The following AGAP1 variants were observed in gnomAD, a reference collection of about 807,000 sequenced individuals.
AGAP1 encodes the protein arf-GAP with GTPase, ANK repeat and PH domain-containing protein 1.
A neutral mutation model predicts 105.3 loss-of-function variants in AGAP1; 29 were observed. The observed-to-expected ratio is 0.28, with a 90% CI of 0.21 to 0.38. The LOEUF (loss-of-function observed/expected upper bound fraction) is 0.38. Among genes scored for constraint, AGAP1 ranks in the 10% least tolerant of loss-of-function variants. The probability of loss-of-function intolerance (pLI) is 1.00; values close to 1 mark genes in which losing one functional copy is unlikely to be tolerated. For synonymous variants in AGAP1, 509 were observed against 485.9 expected (o/e 1.05, Z -0.63); for missense variants, 998 against 1,165.1 (o/e 0.86, Z 2.09).
At position 235,625,677 on chromosome 2, in the gene AGAP1, G is replaced by A. The variant is rs1946615122; in HGVS notation, c.164-83502G>A. ...GTGCAACTTTTCTAAATACAGAGTT[G>A]GTTGTGACATATTCAGCTGGGGGAA... On this transcript the variant is annotated intron_variant, in intron 1 of 17. Transcript: ENST00000304032. This position sits in a 1 kb window ranked among gnomAD's most constrained non-coding sequence, Gnocchi z 4.0. Among the ~76,000 whole-genome samples the A allele has an allele frequency of 6.6e-6, 1 of 152,188 alleles. No homozygotes were observed. Among genetic ancestry groups the A allele is most frequent in the Non-Finnish European group, 1.5e-5 (1 of 68,036 alleles).
chr2:235,895,132 G>A (rs562243871), intron 10 of AGAP1, among the ~76,000 whole-genome samples: 7 of 152,346 alleles, frequency 4.6e-5, no homozygotes, highest in African/African-American at 1.7e-4. Flanking sequence ...TTCAGCTAGC[G>A]CAGTGGCCTG....
intron 13 of AGAP1, among the ~76,000 whole-genome samples, chr2:236,022,914 CTG>C (rs1297270380): frequency 6.6e-6 from 1 of 152,182 alleles, no homozygotes; most frequent in Non-Finnish European, 1.5e-5. Context: ...CTTTCTAATA[CTG>C]TGTTTTGGCT....
chr2:235,642,321 C>T lies in AGAP1; in HGVS notation c.164-66858C>T, dbSNP rs1947225426. On this transcript the variant is annotated intron_variant, in intron 1 of 17. Coordinates refer to ENST00000304032, the MANE Select transcript of AGAP1 (RefSeq NM_001037131.3). This position sits in a 1 kb window ranked among gnomAD's most constrained non-coding sequence, Gnocchi z 4.1. ...GAAACTTGAGGTGAGGGGCCCTCTG[C>T]ACTCAACCTCCTGGGACCTGGGGCT... Among the ~76,000 whole-genome samples, 1 of 152,240 alleles carries T rather than the reference C, an allele frequency of 6.6e-6. No homozygotes were observed. The highest frequency in any genetic ancestry group is 2.1e-4 in the South Asian group (1 of 4,830).
intron 1 of AGAP1, among the ~76,000 whole-genome samples, chr2:235,640,827 T>A (rs1247145500): frequency 4.6e-5 from 7 of 152,182 alleles, no homozygotes; most frequent in Non-Finnish European, 7.3e-5. Context: ...TTCTTTCCAC[T>A]TGAAGAAGTG....
Position 235,612,721 on chromosome 2 carries a change from CG to C in AGAP1, c.164-96456del, listed in dbSNP as rs1159035692. 6.6e-6 allele frequency among the ~76,000 whole-genome samples: 1 copy of C among 150,952 alleles called. No individual in the cohort carries two copies. Among genetic ancestry groups the C allele is most frequent in the Non-Finnish European group, 1.5e-5 (1 of 67,708 alleles). On this transcript the variant is annotated intron_variant, in intron 1 of 17. Transcript: ENST00000304032. The surrounding 1 kb of genome is among the most constrained non-coding windows in gnomAD (Gnocchi z 4.3). ...CAGTGGTCCTTTTGCATGGGGTGGC[CG>C]GCCAGGTGTGCTGAGTGCCACCTGG...
Position 235,991,964 on chromosome 2 carries a change from G to T in AGAP1, c.1645+23341G>T, listed in dbSNP as rs117798787. Among the ~76,000 whole-genome samples the T allele has an allele frequency of 5.4e-4, 82 of 152,316 alleles. 1 individual carries two copies. The East Asian group carries it at 0.015, about 29-fold the overall frequency. On this transcript the variant is annotated intron_variant, in intron 13 of 17. Coordinates refer to ENST00000304032, the MANE Select transcript of AGAP1 (RefSeq NM_001037131.3). ...AAAAACGCTTAGAATCTTGCTGTCC[G>T]TAAAACTGAAACATCCAGCCTCACA...
intron 16 of AGAP1, among the ~76,000 whole-genome samples, chr2:236,074,493 A>G (rs2058586274): frequency 6.6e-6 from 1 of 152,206 alleles, no homozygotes; most frequent in South Asian, 2.1e-4. Flanking sequence ...AAGCTCAGCA[A>G]TTTCAAGTTC....
rs2059866603 is a variant in AGAP1 at position 236,120,184 on chromosome 2, CT to C, written c.2115-5del. On this transcript the variant is annotated splice_polypyrimidine_tract_variant and splice_region_variant and intron_variant, in intron 16 of 17. Coordinates refer to ENST00000304032, the MANE Select transcript of AGAP1 (RefSeq NM_001037131.3). This position sits in a 1 kb window ranked among gnomAD's most constrained non-coding sequence, Gnocchi z 6.0. ...TCGTGACTGCACCTGTCTGGTGGCTCTTTGCAGGGAAGAGAAGGAACGGTGG... is the reference window on the plus strand; with the variant it reads ...TCGTGACTGCACCTGTCTGGTGGCTCTTGCAGGGAAGAGAAGGAACGGTGG... 6.2e-7 allele frequency: 1 copy of C among 1,604,928 alleles called. No individual in the cohort carries two copies. The highest frequency in any genetic ancestry group is 8.5e-7 in the Non-Finnish European group (1 of 1,174,600).
At chr2:235,573,078 CTTCTTTCTTCT>C (rs1944621620) in intron 1 of AGAP1, among the ~76,000 whole-genome samples, 4 of 123,426 alleles carry the variant, frequency 3.2e-5, no homozygotes, top group Admixed American at 8.5e-5. Flanking sequence ...TTTCTTCTTT[CTTCTTTCTTCT>C]TTCTTCTTCT....
At chr2:235,684,691 G>C (rs1949285421) in intron 1 of AGAP1, among the ~76,000 whole-genome samples, 1 of 152,140 alleles carries the variant, frequency 6.6e-6, no homozygotes, top group Non-Finnish European at 1.5e-5. Flanking sequence ...AAAAAAGCAA[G>C]GTGCAGCCCC....
At position 235,867,572 on chromosome 2, in the gene AGAP1, T is replaced by TGTGTGTGTGTGCGTGC. The variant is rs375110513; in HGVS notation, c.1051-15770_1051-15769insTGTGTGTGCGTGCGTG. Among the ~76,000 whole-genome samples, 4 of 148,490 alleles carry TGTGTGTGTGTGCGTGC rather than the reference T, an allele frequency of 2.7e-5. No homozygotes were observed. Among genetic ancestry groups the TGTGTGTGTGTGCGTGC allele is most frequent in the East Asian group, 2.0e-4 (1 of 4,960 alleles). On this transcript the variant is annotated intron_variant, in intron 9 of 17. Coordinates refer to ENST00000304032, the MANE Select transcript of AGAP1 (RefSeq NM_001037131.3). This position sits in a 1 kb window ranked among gnomAD's most constrained non-coding sequence, Gnocchi z 5.4. ...GTGTGTGTGTGTGTGTGTGTGTGTG[T>TGTGTGTGTGTGCGTGC]GTGCAAGTGAGGGAGGGTGACCCCC...
intron 9 of AGAP1, among the ~76,000 whole-genome samples, chr2:235,807,881 A>AT (rs1407234877): frequency 1.3e-5 from 2 of 152,208 alleles, no homozygotes; most frequent in Non-Finnish European, 2.9e-5. Flanking sequence ...AGACCTTATT[A>AT]TATAAAGGAA....
At chr2:236,034,900 C>T (rs938381753) in intron 13 of AGAP1, among the ~76,000 whole-genome samples, 1 of 152,182 alleles carries the variant, frequency 6.6e-6, no homozygotes, top group Non-Finnish European at 1.5e-5. Context: ...CCCCACACCC[C>T]TGGGAGTGGG....
chr2:235,650,157 T>C (rs1378618756), intron 1 of AGAP1, among the ~76,000 whole-genome samples: 1 of 152,020 alleles, frequency 6.6e-6, no homozygotes, highest in Non-Finnish European at 1.5e-5. Flanking sequence ...AGGTCAGGAG[T>C]TCGAGACCAG....
At chr2:235,636,902 G>A (rs935149998) in intron 1 of AGAP1, among the ~76,000 whole-genome samples, 4 of 152,144 alleles carry the variant, frequency 2.6e-5, no homozygotes, top group Non-Finnish European at 5.9e-5. Flanking sequence ...TCAAGGCTGC[G>A]GTAATGCTTC....
At chr2:235,937,726 G>A (rs545011317) in intron 12 of AGAP1, among the ~76,000 whole-genome samples, 1 of 152,170 alleles carries the variant, frequency 6.6e-6, no homozygotes, top group Admixed American at 6.5e-5. Flanking sequence ...GGGACAGTTC[G>A]TGATGTCCGG....
intron 1 of AGAP1, among the ~76,000 whole-genome samples, chr2:235,540,442 C>T (rs371086880): frequency 5.9e-5 from 9 of 152,270 alleles, no homozygotes; most frequent in African/African-American, 1.2e-4. Context: ...CGTGAGCCAT[C>T]GTACCCAACC....
rs74854819 is a variant in AGAP1 at position 235,954,740 on chromosome 2, C to T, written c.1484-13722C>T. The stretch of plus-strand genomic sequence containing the variant: ...TTTGTCCACAGCCCTTGTCATCCCT[C>T]CTCGTGGTCAATATGCACACATATA... On this transcript the variant is annotated intron_variant, in intron 12 of 17. Transcript: ENST00000304032. 8.1e-4 allele frequency among the ~76,000 whole-genome samples: 123 copies of T among 151,930 alleles called. No individual in the cohort carries two copies. In the East Asian group the frequency reaches 0.021, roughly 26 times the overall value.
intron 16 of AGAP1, chr2:236,049,912 C>T (rs2125711960): frequency 6.6e-6 from 1 of 152,292 alleles, no homozygotes; most frequent in South Asian, 2.1e-4. Flanking sequence ...ATTTAATGTT[C>T]CTAAGGGGTG....
Sources: allele counts gnomAD v4.1 joint callset (sites outside exome capture counted in the v4.1 genomes callset), GRCh38; gene constraint gnomAD v4.1.1; non-coding constraint Gnocchi (gnomAD v3.1); transcripts MANE v1.5; gene names NCBI Gene and HGNC (gene_info 2026-07-23, HGNC 2026-07-21).